Variants in GLYR1 observed in about 807,000 individuals in gnomAD.
GLYR1 encodes cytokine-like nuclear factor N-PAC.
In GLYR1, 21 loss-of-function variants were observed where a neutral mutation model predicts 72.7. That is an observed-to-expected ratio of 0.29 (90% CI 0.20 to 0.42). The LOEUF (loss-of-function observed/expected upper bound fraction) is 0.42. Among genes scored for constraint, GLYR1 ranks in the 10% least tolerant of loss-of-function variants. The pLI is 1.00. For synonymous variants in GLYR1, 392 were observed against 270.2 expected (o/e 1.45, Z -4.42); for missense variants, 594 against 712.1 (o/e 0.83, Z 1.89).
Position 4,805,202 on chromosome 16 carries a change from G to A in GLYR1, c.*34C>T, listed in dbSNP as rs372313414. 25 of 1,589,732 alleles carry A rather than the reference G, an allele frequency of 1.6e-5. No individual in the cohort carries two copies. Among genetic ancestry groups the A allele is most frequent in the Non-Finnish European group, 1.9e-5 (22 of 1,158,840 alleles). On this transcript the variant is annotated 3_prime_UTR_variant, in exon 16 of 16. Transcript: ENST00000321919. ...ATGTGAGGAAGAGGGGGTCAGAGGG[G>A]GGATTGGAGGGGTGAGGGCGGGGTG...
chr16:4,835,095 A>G (rs1307559892), intron 3 of GLYR1, among the ~76,000 whole-genome samples: 1 of 152,124 alleles, frequency 6.6e-6, no homozygotes, highest in East Asian at 1.9e-4. Flanking sequence ...GAACCACACA[A>G]GTTCCCAATA....
At chr16:4,843,316 G>C (rs2142052284) in intron 3 of GLYR1, 1 of 315,166 alleles carries the variant, frequency 3.2e-6, no homozygotes, top group East Asian at 1.1e-4. Context: ...CAACACTCCT[G>C]GCTAATTTTT....
chr16:4,834,255 C>G (rs1022913934), intron 3 of GLYR1, among the ~76,000 whole-genome samples: 2 of 151,068 alleles, frequency 1.3e-5, no homozygotes, highest in Non-Finnish European at 2.9e-5. Flanking sequence ...AGAAGCTGGT[C>G]TCCCTGGCAC....
rs116836995 is a variant in GLYR1, at chr16:4,837,202, G to A, written c.156-4290C>T. ...CTGAATCCCAGCACCTTGGGAGACC[G>A]AGGCAGGTGGATTGAGGCCAGGAAT... On this transcript the variant is annotated intron_variant, in intron 3 of 15. Transcript: ENST00000321919. Among the ~76,000 whole-genome samples, 965 of 152,234 alleles carry A rather than the reference G, an allele frequency of 6.3e-3. 17 individuals are homozygous for A. The highest frequency in any genetic ancestry group is 0.022 in the African/African-American group (927 of 41,566).
rs896475801 is a variant in GLYR1, at chr16:4,842,104, C to T, written c.155+2970G>A. On this transcript the variant is annotated intron_variant, in intron 3 of 15. Transcript: ENST00000321919. ...AAAAATACAACAAAAATTAGCTGGG[C>T]ATGGTGGTGTGCGCCTGTAGTCCCA... 3.9e-5 allele frequency among the ~76,000 whole-genome samples: 6 copies of T among 152,048 alleles called. 1 individual carries two copies. The highest frequency in any genetic ancestry group is 6.6e-5 in the Admixed American group (1 of 15,264).
intron 9 of GLYR1, among the ~76,000 whole-genome samples, chr16:4,820,737 G>A (rs985524147): frequency 5.3e-5 from 8 of 152,246 alleles, no homozygotes; most frequent in Admixed American, 3.9e-4. Flanking sequence ...TGTTTTCCTA[G>A]AAAAGGTATC....
chr16:4,846,953 A>G (rs961885134), intron 1 of GLYR1: 2 of 491,718 alleles, frequency 4.1e-6, no homozygotes, highest in Non-Finnish European at 7.1e-6. Context: ...GGCTCCCTTC[A>G]CGGGGGCCGC....
At chr16:4,819,732 C>T (rs1166306214) in intron 9 of GLYR1, among the ~76,000 whole-genome samples, 1 of 152,210 alleles carries the variant, frequency 6.6e-6, no homozygotes, top group African/African-American at 2.4e-5. Flanking sequence ...GACCCCTAAT[C>T]TCAGCTGGAA....
chr16:4,832,768 T>G lies in GLYR1; in HGVS notation c.294+6A>C. 6.2e-7 allele frequency: 1 copy of G among 1,603,506 alleles called. No individual in the cohort carries two copies. Among genetic ancestry groups the G allele is most frequent in the Non-Finnish European group, 8.5e-7 (1 of 1,174,370 alleles). The stretch of plus-strand genomic sequence containing the variant: ...ATTGGTAGAAAGTGAACATTGTGTC[T>G]CTCACCTGGTCTTTCCCTTTGGCTC... On this transcript the variant is annotated splice_donor_region_variant and intron_variant, in intron 4 of 15. Transcript: ENST00000321919.
At chr16:4,812,807 GT>G (rs2083398640) in intron 12 of GLYR1, among the ~76,000 whole-genome samples, 1 of 145,910 alleles carries the variant, frequency 6.9e-6, no homozygotes, top group Non-Finnish European at 1.5e-5. Context: ...TTTTTGTTTT[GT>G]TTTTTTGAGA....
intron 15 of GLYR1, among the ~76,000 whole-genome samples, chr16:4,810,494 A>G (rs1364258575): frequency 6.6e-6 from 1 of 151,682 alleles, no homozygotes; most frequent in African/African-American, 2.4e-5. Context: ...TGGGCGACAG[A>G]GTGAGACTCT....
intron 5 of GLYR1, among the ~76,000 whole-genome samples, chr16:4,829,644 C>A (rs1015016900): frequency 1.3e-5 from 2 of 151,424 alleles, no homozygotes; most frequent in African/African-American, 4.8e-5. Flanking sequence ...ACACCACCAA[C>A]CCCAGCTAAT....
intron 7 of GLYR1, among the ~76,000 whole-genome samples, chr16:4,822,667 G>C (rs983959992): frequency 3.3e-5 from 5 of 152,234 alleles, no homozygotes; most frequent in Non-Finnish European, 5.9e-5. Flanking sequence ...GGGATGACAG[G>C]TGTGAGCCAC....
At chr16:4,846,103 G>C in intron 2 of GLYR1, 71 bp downstream of exon 2, 2 of 1,499,128 alleles carry the variant, frequency 1.3e-6, no homozygotes. Flanking sequence ...AAACTGAGAG[G>C]AATGCATCTT....
chr16:4,814,361 A>C (rs1018616403), intron 11 of GLYR1, among the ~76,000 whole-genome samples, 176 bp downstream of exon 11: 8 of 152,228 alleles, frequency 5.3e-5, no homozygotes, highest in Admixed American at 2.0e-4. Flanking sequence ...TCTGAATTAA[A>C]GGAAGTCTGT....
At chr16:4,814,696 A>C in intron 10 of GLYR1, 49 bp from the exon 11 acceptor site, 2 of 1,396,456 alleles carry the variant, frequency 1.4e-6, no homozygotes, top group Non-Finnish European at 1.0e-6. Context: ...TGCACAACAA[A>C]CATGCCAGCC....
chr16:4,830,048 C>A (rs2084688580), intron 5 of GLYR1, among the ~76,000 whole-genome samples: 1 of 152,038 alleles, frequency 6.6e-6, no homozygotes, highest in African/African-American at 2.4e-5. Flanking sequence ...AGGGGATCCT[C>A]CTGCACTGGC....
At chr16:4,816,244 A>G (rs755959313) in intron 10 of GLYR1, among the ~76,000 whole-genome samples, 1 of 151,554 alleles carries the variant, frequency 6.6e-6, no homozygotes, top group African/African-American at 2.4e-5. Context: ...CCTGGGCCCA[A>G]GAGATCTTCT....
Position 4,820,459 on chromosome 16 carries a change from T to C in GLYR1, c.806+921A>G, listed in dbSNP as rs2083940954. On this transcript the variant is annotated intron_variant, in intron 9 of 15. Transcript: ENST00000321919. ...CTAATGGGCCAATAAATGTGTTGGG[T>C]AAAAACATCAGGACTCTGTCCTCAC... Among the ~76,000 whole-genome samples, 3 of 152,166 alleles carry C rather than the reference T, an allele frequency of 2.0e-5. No homozygotes were observed. The South Asian group carries it at 6.2e-4, about 31-fold the overall frequency.
Sources: allele counts gnomAD v4.1 joint callset (sites outside exome capture counted in the v4.1 genomes callset), GRCh38; gene constraint gnomAD v4.1.1; transcripts MANE v1.5; gene names NCBI Gene and HGNC (gene_info 2026-07-23, HGNC 2026-07-21).